Variants in ANKRD28 observed in about 807,000 individuals in gnomAD.
ANKRD28 encodes the protein serine/threonine-protein phosphatase 6 regulatory ankyrin repeat subunit A.
A neutral mutation model predicts 126.5 loss-of-function variants in ANKRD28; 44 were observed. That is an observed-to-expected ratio of 0.35 (90% CI 0.27 to 0.45). The LOEUF (loss-of-function observed/expected upper bound fraction) is 0.45, where lower values mean the gene tolerates loss of function less well. ANKRD28 is among the 20% of genes least tolerant of loss of function. The pLI is 1.00. For synonymous variants in ANKRD28, 442 were observed against 468.5 expected, an observed-to-expected ratio of 0.94 and a Z score of 0.73; for missense variants, 1,110 against 1,316.6, an observed-to-expected ratio of 0.84 and a Z score of 2.43.
chr3:15,719,442 C>T (rs1270290905), intron 8 of ANKRD28, among the ~76,000 whole-genome samples: 7 of 152,108 alleles, frequency 4.6e-5, no homozygotes, highest in Admixed American at 1.3e-4. Context: ...AAAATTAATA[C>T]AGAAACAACT....
intron 1 of ANKRD28, among the ~76,000 whole-genome samples, chr3:15,837,164 C>CA (rs2061344775): frequency 6.7e-6 from 1 of 148,750 alleles, no homozygotes; most frequent in Non-Finnish European, 1.5e-5. Context: ...ATAGGGAAAT[C>CA]AAAAAAATGA....
At chr3:15,786,790 A>T (rs1157079130) in intron 2 of ANKRD28, among the ~76,000 whole-genome samples, 1 of 152,096 alleles carries the variant, frequency 6.6e-6, no homozygotes, top group Non-Finnish European at 1.5e-5. Flanking sequence ...ATTACTTCTG[A>T]GTATGCAAGT....
intron 21 of ANKRD28, among the ~76,000 whole-genome samples, chr3:15,680,503 G>A (rs955608268): frequency 5.9e-5 from 9 of 151,806 alleles, no homozygotes; most frequent in East Asian, 1.9e-4. Flanking sequence ...CACCATGCCC[G>A]GCTAAAATCT....
intron 2 of ANKRD28, among the ~76,000 whole-genome samples, chr3:15,773,869 C>G (rs1173372132): frequency 6.6e-6 from 1 of 151,968 alleles, no homozygotes; most frequent in South Asian, 2.1e-4. Context: ...AAGGCAGAAA[C>G]AATTTAGGAG....
chr3:15,768,313 C>T (rs1028896674), intron 2 of ANKRD28, among the ~76,000 whole-genome samples: 1 of 152,040 alleles, frequency 6.6e-6, no homozygotes, highest in Admixed American at 6.6e-5. Context: ...AACCTGCTTG[C>T]TAGGCAAAAG....
chr3:15,708,374 GA>G (rs1212590162), intron 13 of ANKRD28, among the ~76,000 whole-genome samples: 2 of 152,042 alleles, frequency 1.3e-5, no homozygotes, highest in Non-Finnish European at 2.9e-5. Flanking sequence ...TCAGAAATGT[GA>G]AAACTTTCAT....
At chr3:15,700,859 CA>C (rs2070478057) in intron 14 of ANKRD28, among the ~76,000 whole-genome samples, 1 of 152,068 alleles carries the variant, frequency 6.6e-6, no homozygotes, top group South Asian at 2.1e-4. Context: ...GCACTGGTAC[CA>C]GTGATCTTGG....
chr3:15,726,783 T>C (rs893668778), intron 6 of ANKRD28, among the ~76,000 whole-genome samples: 6 of 152,254 alleles, frequency 3.9e-5, no homozygotes, highest in Admixed American at 3.9e-4. Flanking sequence ...GAGAAATCTA[T>C]GCTTGCCATC....
At chr3:15,844,926 T>C (rs902878467) in intron 1 of ANKRD28, among the ~76,000 whole-genome samples, 5 of 152,178 alleles carry the variant, frequency 3.3e-5, no homozygotes, top group Non-Finnish European at 5.9e-5. Flanking sequence ...ATAGGAAGCA[T>C]AGCGGTTTCT....
At position 15,668,519 on chromosome 3, in the gene ANKRD28, A is replaced by C. The variant is rs1449580825; in HGVS notation, c.*1751T>G. ...TTATAATTTCTGTAAATATTTTAGAAAAAATGCTTAAAATCTAGTAGTCAA... is the reference window on the plus strand; with the variant it reads ...TTATAATTTCTGTAAATATTTTAGACAAAATGCTTAAAATCTAGTAGTCAA... On this transcript the variant is annotated 3_prime_UTR_variant, in exon 28 of 28. Transcript: ENST00000683139. 6.6e-6 allele frequency: 1 copy of C among 152,536 alleles called. No homozygotes were observed. Among genetic ancestry groups the C allele is most frequent in the Non-Finnish European group, 1.5e-5 (1 of 68,018 alleles). The allele number at this position is 152,536 out of a possible 1,614,324, so 9.4% of individuals were successfully genotyped here. A position where few individuals can be genotyped will look rare whatever the true frequency, so the allele number is the denominator to read the frequency against.
chr3:15,685,480 T>A, intron 20 of ANKRD28, 35 bp from the exon 21 acceptor site: 1 of 1,599,116 alleles, frequency 6.3e-7, no homozygotes, highest in Non-Finnish European at 8.6e-7. Context: ...GTCAAACATA[T>A]TATGCTAAAC....
rs375070785 is a variant in ANKRD28 at position 15,696,882 on chromosome 3, T to C, written c.1548-637A>G. 1.3e-4 allele frequency among the ~76,000 whole-genome samples: 20 copies of C among 152,218 alleles called. No homozygotes were observed. In the East Asian group the frequency reaches 2.7e-3, roughly 21 times the overall value. ...ACCACTATGGAAAACTGTATGGAGA[T>C]TCCTTAAGGAACAAAAAGTAACACT... On this transcript the variant is annotated intron_variant, in intron 14 of 27. Transcript: ENST00000683139.
At chr3:15,791,878 AAGG>A (rs894050270) in intron 2 of ANKRD28, among the ~76,000 whole-genome samples, 3 of 152,182 alleles carry the variant, frequency 2.0e-5, no homozygotes, top group Non-Finnish European at 4.4e-5. Flanking sequence ...ACCAGAATAT[AAGG>A]AGCTCAAACA....
intron 1 of ANKRD28, among the ~76,000 whole-genome samples, chr3:15,832,914 C>T (rs551932305): frequency 3.3e-5 from 5 of 152,084 alleles, no homozygotes; most frequent in Admixed American, 3.3e-4. Context: ...ACCTTTTTGA[C>T]ATGATTTCTT....
intron 2 of ANKRD28, among the ~76,000 whole-genome samples, chr3:15,780,105 C>A (rs912285337): frequency 3.3e-5 from 5 of 152,048 alleles, no homozygotes; most frequent in African/African-American, 4.8e-5. Flanking sequence ...AAGTAAAAGG[C>A]ATCCTAATAA....
chr3:15,830,773 G>C lies in ANKRD28; in HGVS notation c.27+28604C>G, dbSNP rs1443721689. The stretch of plus-strand genomic sequence containing the variant: ...GAGTCGTTGTTTACCTGGGGGCTTT[G>C]GTCCATGACAGATAGTCTAACAATA... On this transcript the variant is annotated intron_variant, in intron 1 of 27. Transcript: ENST00000399451. This position sits in a 1 kb window ranked among gnomAD's most constrained non-coding sequence, Gnocchi z 4.5. Among the ~76,000 whole-genome samples the C allele has an allele frequency of 6.6e-6, 1 of 151,938 alleles. No individual in the cohort carries two copies. Among genetic ancestry groups the C allele is most frequent in the Non-Finnish European group, 1.5e-5 (1 of 67,994 alleles).
In ANKRD28 at chr3:15,838,185, C is replaced by T. The variant is rs559869508; in HGVS notation, c.27+21192G>A. Among the ~76,000 whole-genome samples, 11 of 152,202 alleles carry T rather than the reference C, an allele frequency of 7.2e-5. No individual in the cohort carries two copies. In the East Asian group the frequency reaches 1.9e-3, roughly 27 times the overall value. ...TAGTTTCTTTCACTGGTGAATTTTA[C>T]CAAACACTAAAGAAATAATATTAAT... On this transcript the variant is annotated intron_variant, in intron 1 of 27. Coordinates refer to the ANKRD28 transcript ENST00000399451. This position sits in a 1 kb window ranked among gnomAD's most constrained non-coding sequence, Gnocchi z 4.0.
chr3:15,804,234 A>G (rs1028341359), intron 1 of ANKRD28, among the ~76,000 whole-genome samples: 2 of 145,488 alleles, frequency 1.4e-5, no homozygotes, highest in Admixed American at 6.8e-5. Flanking sequence ...AAAAGACAGT[A>G]AAAGACAGTA....
At chr3:15,852,695 T>C (rs1313280420) in intron 1 of ANKRD28, among the ~76,000 whole-genome samples, 2 of 151,874 alleles carry the variant, frequency 1.3e-5, no homozygotes, top group Non-Finnish European at 2.9e-5. Flanking sequence ...TAGCCAGGCA[T>C]GGTGGCGGGT....
Sources: allele counts gnomAD v4.1 joint callset (sites outside exome capture counted in the v4.1 genomes callset), GRCh38; gene constraint gnomAD v4.1.1; non-coding constraint Gnocchi (gnomAD v3.1); transcripts MANE v1.5; gene names NCBI Gene and HGNC (gene_info 2026-07-23, HGNC 2026-07-21).